Variants in GPC6 observed in about 807,000 individuals in gnomAD.
GPC6 encodes glypican 6, also known as glypican-6.
A neutral mutation model predicts 55.2 loss-of-function variants in GPC6; 14 were observed. The observed-to-expected ratio is 0.25, with a 90% CI of 0.17 to 0.40. The LOEUF (loss-of-function observed/expected upper bound fraction) is 0.40, where lower values mean the gene tolerates loss of function less well. Among genes scored for constraint, GPC6 ranks in the 10% least tolerant of loss-of-function variants. GPC6 has a pLI of 1.00. For missense variants in GPC6, 641 were observed against 708.5 expected (o/e 0.90, Z 1.08); for synonymous variants, 278 against 259.6 (o/e 1.07, Z -0.68).
chr13:94,074,455 A>C (rs1884840275), intron 4 of GPC6, among the ~76,000 whole-genome samples: 1 of 152,228 alleles, frequency 6.6e-6, no homozygotes, highest in South Asian at 2.1e-4. Context: ...GCTAACTTAC[A>C]GCTCTAAGAA....
At chr13:93,784,414 A>T (rs1397421082) in intron 2 of GPC6, among the ~76,000 whole-genome samples, 2 of 152,158 alleles carry the variant, frequency 1.3e-5, no homozygotes, top group Non-Finnish European at 2.9e-5. Context: ...ACAGAGATGT[A>T]GGGAAATTTC....
chr13:93,413,093 G>C (rs1395587041), intron 1 of GPC6, among the ~76,000 whole-genome samples: 3 of 152,180 alleles, frequency 2.0e-5, no homozygotes, highest in Non-Finnish European at 4.4e-5. Context: ...GTGATTATCA[G>C]TGATAAAAAT....
At chr13:93,290,865 T>C (rs1408425155) in intron 1 of GPC6, among the ~76,000 whole-genome samples, 5 of 152,108 alleles carry the variant, frequency 3.3e-5, no homozygotes, top group African/African-American at 1.2e-4. Context: ...TAAGGAAATA[T>C]AAAAAGACAT....
intron 3 of GPC6, among the ~76,000 whole-genome samples, chr13:93,871,791 G>A (rs969513132): frequency 3.3e-5 from 5 of 151,908 alleles, no homozygotes; most frequent in Non-Finnish European, 1.5e-5. Context: ...ATTTCTGAAT[G>A]AGAATCAGTT....
chr13:93,821,697 G>C (rs1887050643), intron 2 of GPC6, among the ~76,000 whole-genome samples: 2 of 152,138 alleles, frequency 1.3e-5, no homozygotes, highest in Non-Finnish European at 2.9e-5. Context: ...ACATCTCACA[G>C]TAGATGTACT....
At chr13:94,266,489 G>T (rs1466133525) in intron 4 of GPC6, among the ~76,000 whole-genome samples, 1 of 151,956 alleles carries the variant, frequency 6.6e-6, no homozygotes, top group Admixed American at 6.6e-5. Context: ...TTTTCTTACT[G>T]CTGTTCTCCT....
intron 6 of GPC6, among the ~76,000 whole-genome samples, chr13:94,337,783 T>G (rs189532437): frequency 6.6e-6 from 1 of 152,274 alleles, no homozygotes; most frequent in Non-Finnish European, 1.5e-5. Context: ...AGTAATCAGA[T>G]CTACATTTAA....
chr13:93,680,292 A>C (rs939149487), intron 2 of GPC6, among the ~76,000 whole-genome samples: 4 of 152,136 alleles, frequency 2.6e-5, no homozygotes, highest in Middle Eastern at 3.2e-3. Context: ...AGGGTCCTGG[A>C]ATAGGTCTTT....
intron 1 of GPC6, among the ~76,000 whole-genome samples, chr13:93,519,658 A>C (rs1881334269): frequency 6.6e-6 from 1 of 152,024 alleles, no homozygotes; most frequent in African/African-American, 2.4e-5. Flanking sequence ...ATTGCATTCC[A>C]GTCTGCTGGG....
At chr13:93,932,026 C>T (rs1277615582) in intron 3 of GPC6, among the ~76,000 whole-genome samples, 1 of 152,178 alleles carries the variant, frequency 6.6e-6, no homozygotes, top group Non-Finnish European at 1.5e-5. Context: ...CATAAACATA[C>T]TTCAGATAAA....
At chr13:93,503,120 C>A (rs9516244) in intron 1 of GPC6, among the ~76,000 whole-genome samples, 19,177 of 152,096 alleles carry the variant, frequency 0.13, 1,376 homozygotes, top group East Asian at 0.3. Flanking sequence ...GCATACCATC[C>A]TGTATCATTT....
chr13:93,378,104 C>T (rs907514782), intron 1 of GPC6, among the ~76,000 whole-genome samples: 1 of 152,042 alleles, frequency 6.6e-6, no homozygotes, highest in African/African-American at 2.4e-5. Flanking sequence ...AGTGACTGAG[C>T]CTTTGAAATA....
At chr13:93,940,265 G>A (rs965017413) in intron 3 of GPC6, among the ~76,000 whole-genome samples, 15 of 151,912 alleles carry the variant, frequency 9.9e-5, no homozygotes, top group Admixed American at 2.0e-4. Flanking sequence ...GAAAATTAGG[G>A]CTATTAAGTT....
At chr13:93,812,235 A>G (rs1343180482) in intron 2 of GPC6, among the ~76,000 whole-genome samples, 1 of 151,928 alleles carries the variant, frequency 6.6e-6, no homozygotes, top group Non-Finnish European at 1.5e-5. Flanking sequence ...CTAAAAATAC[A>G]AAAATTAGCT....
rs919460059 is a variant in GPC6 at position 94,295,505 on chromosome 13, T to C, written c.1008+9026T>C. Reference sequence around the variant, plus strand: ...AACCCATGGATGTATGGTGTTATTTTTGATGGCAGGGAATCACTTAGAAAG... The same window carrying C: ...AACCCATGGATGTATGGTGTTATTTCTGATGGCAGGGAATCACTTAGAAAG... On this transcript the variant is annotated intron_variant, in intron 5 of 8. Transcript: ENST00000377047. Among the ~76,000 whole-genome samples the C allele has an allele frequency of 3.8e-4, 58 of 152,124 alleles. 1 individual carries two copies. Among genetic ancestry groups the C allele is most frequent in the Non-Finnish European group, 1.6e-4 (11 of 68,018 alleles).
At chr13:94,050,965 A>G (rs1203086483) in intron 4 of GPC6, among the ~76,000 whole-genome samples, 2 of 152,096 alleles carry the variant, frequency 1.3e-5, no homozygotes, top group African/African-American at 4.8e-5. Context: ...GGGCAATCAA[A>G]TGTCCCTGCT....
intron 3 of GPC6, among the ~76,000 whole-genome samples, chr13:93,879,263 T>C (rs1158770694): frequency 6.6e-6 from 1 of 152,134 alleles, no homozygotes; most frequent in African/African-American, 2.4e-5. Flanking sequence ...TTTCAACTTC[T>C]TTGCCTTTGG....
At chr13:94,085,539 G>A (rs191196499) in intron 4 of GPC6, among the ~76,000 whole-genome samples, 105 of 152,100 alleles carry the variant, frequency 6.9e-4, no homozygotes, top group African/African-American at 2.1e-3. Flanking sequence ...AGCCTCTTTC[G>A]GGATATAATA....
At chr13:93,218,492 T>C in the GPC6 span, among the ~76,000 whole-genome samples, 16 of 152,212 alleles carry the variant, frequency 1.1e-4, no homozygotes, top group Non-Finnish European at 2.9e-5. Context: ...TATTAATAGT[T>C]GATATTTATT....
Sources: allele counts gnomAD v4.1 joint callset (sites outside exome capture counted in the v4.1 genomes callset), GRCh38; gene constraint gnomAD v4.1.1; transcripts MANE v1.5; gene names NCBI Gene and HGNC (gene_info 2026-07-23, HGNC 2026-07-21).